Variants in PTPRN2 observed in about 807,000 individuals in gnomAD.
The protein encoded by PTPRN2 is protein tyrosine phosphatase receptor type N2.
In PTPRN2, 74 loss-of-function variants were observed where a neutral mutation model predicts 118.8. The ratio of observed to expected loss-of-function variants is 0.62; its 90% CI spans 0.52 to 0.76. PTPRN2 has a LOEUF of 0.76. Ranked by LOEUF, PTPRN2 falls within the 30% of genes least tolerant of loss-of-function variation. The pLI, the probability that PTPRN2 is intolerant of heterozygous loss-of-function variation, is 0.00. For missense variants in PTPRN2, 1,481 were observed against 1,394.4 expected, an observed-to-expected ratio of 1.06 and a Z score of -0.99; for synonymous variants, 641 against 608.0, an observed-to-expected ratio of 1.05 and a Z score of -0.80.
At chr7:157,895,387 A>G (rs953963618) in intron 12 of PTPRN2, among the ~76,000 whole-genome samples, 3 of 151,230 alleles carry the variant, frequency 2.0e-5, no homozygotes, top group Non-Finnish European at 3.0e-5. Context: ...GAACGAGACC[A>G]TAAAATAAGC....
intron 1 of PTPRN2, among the ~76,000 whole-genome samples, chr7:158,575,825 A>G (rs1828291388): frequency 1.3e-5 from 2 of 152,220 alleles, no homozygotes; most frequent in African/African-American, 4.8e-5. Context: ...CTTCCCAAAG[A>G]GACAAAATAG....
At chr7:158,298,600 G>A (rs1000427587) in intron 3 of PTPRN2, among the ~76,000 whole-genome samples, 2 of 152,206 alleles carry the variant, frequency 1.3e-5, no homozygotes, top group South Asian at 2.1e-4. Flanking sequence ...TGAAGAGCTT[G>A]CGGGGGAGGC....
Position 158,188,685 on chromosome 7 carries a change from C to T in PTPRN2, c.549+3642G>A, listed in dbSNP as rs1407604570. On this transcript the variant is annotated intron_variant, in intron 5 of 22. Transcript: ENST00000389418. Reference sequence around the variant, plus strand: ...AAGGCCGCCACGCTCGCCCCCTGTACTGGAAAGGCCGCCACGCCCGCCCCC... The same window carrying T: ...AAGGCCGCCACGCTCGCCCCCTGTATTGGAAAGGCCGCCACGCCCGCCCCC... Among the ~76,000 whole-genome samples the T allele has an allele frequency of 4.0e-4, 40 of 98,828 alleles. No homozygotes were observed. In the South Asian group the frequency reaches 9.9e-3, roughly 24 times the overall value. The allele number at this position is 98,828 out of a possible 152,430, so 64.8% of individuals were successfully genotyped here.
chr7:158,317,698 G>T (rs566643185), intron 2 of PTPRN2, among the ~76,000 whole-genome samples: 1 of 152,184 alleles, frequency 6.6e-6, no homozygotes. Context: ...CACACAGGGC[G>T]GCCATCTGCA....
chr7:158,095,400 T>C (rs749491261), intron 10 of PTPRN2, among the ~76,000 whole-genome samples: 1 of 152,062 alleles, frequency 6.6e-6, no homozygotes, highest in Non-Finnish European at 1.5e-5. Flanking sequence ...ACTTTAATAA[T>C]GTATCTGGAA....
Position 158,167,040 on chromosome 7 carries a change from G to A in PTPRN2, c.801C>T (p.Tyr267=). ...PPGEGSLEPQ[Y]LLRAPSRMPR... is the part of the protein sequence containing the mutation. Reference sequence around the variant, plus strand: ...GCATTCTTGAGGGTGCACGCAGAAGGTACTGTGGCTCCAGGCTGCCCTCCC... The same window carrying A: ...GCATTCTTGAGGGTGCACGCAGAAGATACTGTGGCTCCAGGCTGCCCTCCC... The change falls in exon 6 of 23, where the codon TAC becomes TAT. Residue 267 remains tyrosine, a synonymous_variant. Transcript: ENST00000389418. 1.3e-6 allele frequency: 2 copies of A among 1,554,786 alleles called. No homozygotes were observed. Among genetic ancestry groups the A allele is most frequent in the Non-Finnish European group, 1.7e-6 (2 of 1,149,572 alleles).
chr7:158,169,572 C>T (rs553269405), intron 5 of PTPRN2, among the ~76,000 whole-genome samples: 16 of 148,964 alleles, frequency 1.1e-4, no homozygotes, highest in Non-Finnish European at 2.1e-4. Context: ...TGAGCCACCG[C>T]GCCTGGCCAG....
chr7:157,693,095 C>G (rs1193854622), intron 12 of PTPRN2, among the ~76,000 whole-genome samples: 1 of 149,438 alleles, frequency 6.7e-6, no homozygotes, highest in East Asian at 2.0e-4. Context: ...GGGCCGGAGA[C>G]GGCGGGAGGA....
chr7:158,196,442 G>A (rs914413360), intron 4 of PTPRN2, among the ~76,000 whole-genome samples: 2 of 152,096 alleles, frequency 1.3e-5, no homozygotes, highest in African/African-American at 4.8e-5. Context: ...CCTCACCCAC[G>A]TTTATACCCC....
intron 3 of PTPRN2, 71 bp downstream of exon 3, chr7:158,316,748 A>G: frequency 1.7e-6 from 2 of 1,158,322 alleles, no homozygotes; most frequent in East Asian, 2.5e-5. Context: ...CTCACCGCCC[A>G]GGAGGAGAAG....
intron 11 of PTPRN2, among the ~76,000 whole-genome samples, chr7:158,079,757 A>G (rs970712189): frequency 1.3e-5 from 2 of 152,230 alleles, no homozygotes; most frequent in African/African-American, 4.8e-5. Context: ...GCCACGAGGC[A>G]CTGAAGCCGT....
At chr7:157,582,947 G>A (rs1197705792) in intron 17 of PTPRN2, among the ~76,000 whole-genome samples, 3 of 151,950 alleles carry the variant, frequency 2.0e-5, no homozygotes, top group Middle Eastern at 3.4e-3. Flanking sequence ...CAGAACCACT[G>A]TGTGATCCAG....
Position 157,763,067 on chromosome 7 carries a change from C to T in PTPRN2, c.1789-80130G>A, listed in dbSNP as rs1258758864. Among the ~76,000 whole-genome samples, 11 of 151,852 alleles carry T rather than the reference C, an allele frequency of 7.2e-5. No individual in the cohort carries two copies. Among genetic ancestry groups the T allele is most frequent in the Admixed American group, 5.9e-4 (9 of 15,250 alleles). On this transcript the variant is annotated intron_variant, in intron 12 of 22. Coordinates refer to ENST00000389418, the MANE Select transcript of PTPRN2 (RefSeq NM_002847.5). This position sits in a 1 kb window ranked among gnomAD's most constrained non-coding sequence, Gnocchi z 4.9. ...AGGGCTAACCCTCCATCAGAGCCCA[C>T]GGCCGCCCACTCATGGTCACAGAGC...
At chr7:158,111,025 C>T in intron 9 of PTPRN2, 110 bp from the exon 10 acceptor site, 1 of 920,248 alleles carries the variant, frequency 1.1e-6, no homozygotes, top group Admixed American at 2.8e-5. Flanking sequence ...ACACACCCTG[C>T]TCTCCTGGCC....
At chr7:158,146,881 G>C (rs901696504) in intron 6 of PTPRN2, among the ~76,000 whole-genome samples, 1 of 151,822 alleles carries the variant, frequency 6.6e-6, no homozygotes, top group African/African-American at 2.4e-5. Context: ...AGTTTACAGG[G>C]AAAATACACC....
In PTPRN2 at chr7:157,813,818, C is replaced by T. The variant is rs539136392; in HGVS notation, c.1788+84855G>A. Among the ~76,000 whole-genome samples the T allele has an allele frequency of 2.0e-5, 3 of 152,348 alleles. No individual in the cohort carries two copies. Among genetic ancestry groups the T allele is most frequent in the Admixed American group, 1.3e-4 (2 of 15,308 alleles). ...GACCCTGAGTCAGAATGGCCTGGAG[C>T]GCGGGTAAAACAGCTCGGGGCCAGC... On this transcript the variant is annotated intron_variant, in intron 12 of 22. Transcript: ENST00000389418. This position sits in a 1 kb window ranked among gnomAD's most constrained non-coding sequence, Gnocchi z 4.7.
At chr7:157,919,021 T>A (rs1798560158) in intron 11 of PTPRN2, among the ~76,000 whole-genome samples, 2 of 152,136 alleles carry the variant, frequency 1.3e-5, no homozygotes, top group South Asian at 4.1e-4. Context: ...GCAACTTACC[T>A]AAAGTCACAG....
At chr7:157,620,346 C>T (rs762597898) in intron 15 of PTPRN2, among the ~76,000 whole-genome samples, 2 of 152,300 alleles carry the variant, frequency 1.3e-5, no homozygotes, top group Middle Eastern at 3.4e-3. Context: ...GAACACGAGG[C>T]GGTGTCTCTT....
At chr7:157,545,739 C>T (rs1170074526) in intron 22 of PTPRN2, among the ~76,000 whole-genome samples, 1 of 152,056 alleles carries the variant, frequency 6.6e-6, no homozygotes, top group Non-Finnish European at 1.5e-5. Context: ...TTTACCACAA[C>T]GATGATGTTT....
Sources: allele counts gnomAD v4.1 joint callset (sites outside exome capture counted in the v4.1 genomes callset), GRCh38; gene constraint gnomAD v4.1.1; non-coding constraint Gnocchi (gnomAD v3.1); transcripts MANE v1.5; gene names NCBI Gene and HGNC (gene_info 2026-07-23, HGNC 2026-07-21).